The following RAD52 variants were observed in gnomAD, a reference collection of about 807,000 sequenced individuals.
RAD52 encodes the protein RAD52 DNA repair protein.
RAD52 carries 47 observed loss-of-function variants against 55.5 expected under a neutral mutation model. The observed-to-expected ratio is 0.85, with a 90% CI of 0.67 to 1.08. RAD52 has a LOEUF of 1.08. RAD52 is among the 50% of genes least tolerant of loss of function. The probability of loss-of-function intolerance (pLI) is 0.00; values close to 1 mark genes in which losing one functional copy is unlikely to be tolerated. For missense variants in RAD52, 468 were observed against 522.8 expected (o/e 0.90, Z 1.02); for synonymous variants, 184 against 198.9 (o/e 0.92, Z 0.63).
chr12:981,805 T>TAAAATAAAATAAAATAAAAC (rs1168317754), intron 1 of RAD52, among the ~76,000 whole-genome samples: 2 of 151,924 alleles, frequency 1.3e-5, no homozygotes, highest in Admixed American at 6.6e-5. Context: ...TAAAATAAAA[T>TAAAATAAAATAAAATAAAAC]AAAACCTAGC....
At chr12:978,233 T>C (rs1958960106) in intron 1 of RAD52, among the ~76,000 whole-genome samples, 1 of 151,968 alleles carries the variant, frequency 6.6e-6, no homozygotes, top group Non-Finnish European at 1.5e-5. Context: ...TTTTGTATTT[T>C]TAGTAGACAC....
chr12:961,311 A>AAAAAAAAAAAAAAAAAAAAAAAG (rs1958682122), intron 1 of RAD52, among the ~76,000 whole-genome samples: 1 of 86,576 alleles, frequency 1.2e-5, no homozygotes, highest in Non-Finnish European at 2.4e-5. Context: ...CTCCATCTCA[A>AAAAAAAAAAAAAAAAAAAAAAAG]AAAAAAAAAA....
chr12:926,090 G>A (rs377336689), intron 6 of RAD52, among the ~76,000 whole-genome samples: 9 of 152,106 alleles, frequency 5.9e-5, no homozygotes, highest in African/African-American at 1.9e-4. Flanking sequence ...CGGGGGGTGC[G>A]GCCTGGTGGG....
At position 912,828 on chromosome 12, in the gene RAD52, G is replaced by A. The variant is rs55853926; in HGVS notation, c.*563C>T. ...GTCAGTCTTGAAACAATGCAGGATT[G>A]TAATGTCATAAATCCATAAATTATT... On this transcript the variant is annotated 3_prime_UTR_variant, in exon 12 of 12. Coordinates refer to ENST00000358495, the MANE Select transcript of RAD52 (RefSeq NM_134424.4). The A allele has an allele frequency of 1.3e-4, 23 of 183,990 alleles. No homozygotes were observed. Among genetic ancestry groups the A allele is most frequent in the African/African-American group, 5.4e-4 (23 of 42,412 alleles). 11.4% of individuals were successfully genotyped at this position (183,990 alleles called of 1,614,324 possible).
chr12:934,441 C>CAA (rs1957505148), intron 1 of RAD52, among the ~76,000 whole-genome samples: 10 of 1,944 alleles, frequency 5.1e-3, no homozygotes, highest in South Asian at 0.5. Flanking sequence ...CCAGCCTGGG[C>CAA]GAGAGTGAGA....
At position 933,079 on chromosome 12, in the gene RAD52, A is replaced by G. The variant is rs1458402745; in HGVS notation, c.-18-3T>C. On this transcript the variant is annotated splice_region_variant and splice_polypyrimidine_tract_variant and intron_variant, in intron 1 of 11. Coordinates refer to ENST00000358495, the MANE Select transcript of RAD52 (RefSeq NM_134424.4). ...GACATCTTGATTCTGGTTGACCTCTATATAAATAAAAAGCGGAAAAAAAAA... is the reference window on the plus strand; with the variant it reads ...GACATCTTGATTCTGGTTGACCTCTGTATAAATAAAAAGCGGAAAAAAAAA... The G allele has an allele frequency of 2.5e-6, 4 of 1,580,738 alleles. No homozygotes were observed. The highest frequency in any genetic ancestry group is 4.5e-5 in the East Asian group (2 of 44,528).
chr12:960,194 T>C (rs74056607), intron 1 of RAD52, among the ~76,000 whole-genome samples: 107 of 152,214 alleles, frequency 7.0e-4, no homozygotes, highest in Middle Eastern at 3.4e-3. Flanking sequence ...GAGAATGGAT[T>C]GTAGGGAAAT....
rs2154106932 is a variant in RAD52 at position 912,508 on chromosome 12, A to G, written c.*883T>C. On this transcript the variant is annotated 3_prime_UTR_variant, in exon 12 of 12. Transcript: ENST00000358495. ...AAACAATTCTGGTTTCAAGCATTTCAGATAAGCAATATATATATATTCTAT... is the reference window on the plus strand; with the variant it reads ...AAACAATTCTGGTTTCAAGCATTTCGGATAAGCAATATATATATATTCTAT... The G allele has an allele frequency of 1.1e-5, 2 of 175,936 alleles. No individual in the cohort carries two copies. Among genetic ancestry groups the G allele is most frequent in the East Asian group, 8.8e-5 (1 of 11,366 alleles). 10.9% of individuals were successfully genotyped at this position (175,936 alleles called of 1,614,324 possible).
intron 8 of RAD52, 33 bp from the exon 9 acceptor site, chr12:916,516 C>T (rs375889026): frequency 5.0e-6 from 8 of 1,606,084 alleles, no homozygotes; most frequent in Non-Finnish European, 5.9e-6. Context: ...GGACGGGCTC[C>T]TGAGCAACAG....
chr12:943,320 G>A, intron 1 of RAD52, among the ~76,000 whole-genome samples: 1 of 152,222 alleles, frequency 6.6e-6, no homozygotes, highest in East Asian at 1.9e-4. Flanking sequence ...GAGTAGAGCA[G>A]CAGAGGCCCA....
chr12:930,342 G>C (rs529420312), intron 3 of RAD52, among the ~76,000 whole-genome samples, 198 bp from the exon 4 acceptor site: 1 of 151,378 alleles, frequency 6.6e-6, no homozygotes, highest in Non-Finnish European at 1.5e-5. Context: ...TCGTGCCACT[G>C]CACTCCAGCC....
At chr12:943,303 G>A (rs939171579) in intron 1 of RAD52, among the ~76,000 whole-genome samples, 3 of 152,214 alleles carry the variant, frequency 2.0e-5, no homozygotes, top group African/African-American at 2.4e-5. Context: ...GGAGCCACAC[G>A]TCCAGGGAGT....
chr12:989,420 T>C (rs770638912), intron 1 of RAD52, among the ~76,000 whole-genome samples: 15 of 152,198 alleles, frequency 9.9e-5, no homozygotes, highest in Non-Finnish European at 2.1e-4. Context: ...TTATTTATCA[T>C]CATTTTATGG....
At chr12:985,413 A>T (rs1198673152) in intron 1 of RAD52, among the ~76,000 whole-genome samples, 1 of 152,050 alleles carries the variant, frequency 6.6e-6, no homozygotes, top group Admixed American at 6.5e-5. Flanking sequence ...CAAAGTGCTG[A>T]GATTACAGGC....
intron 1 of RAD52, among the ~76,000 whole-genome samples, chr12:963,785 T>C (rs1215180867): frequency 1.3e-5 from 2 of 151,956 alleles, no homozygotes; most frequent in Admixed American, 1.3e-4. Context: ...CATTAAATAC[T>C]CTTGGATGTT....
intron 1 of RAD52, among the ~76,000 whole-genome samples, chr12:955,774 TTTTG>T (rs1958596837): frequency 6.6e-6 from 1 of 151,504 alleles, no homozygotes; most frequent in Non-Finnish European, 1.5e-5. Flanking sequence ...ACCTGGGCAT[TTTTG>T]TTTTTTTTGT....
At chr12:969,970 T>G (rs1958819059) in intron 1 of RAD52, among the ~76,000 whole-genome samples, 1 of 151,948 alleles carries the variant, frequency 6.6e-6, no homozygotes, top group South Asian at 2.1e-4. Flanking sequence ...TGCGTCAGTG[T>G]GAAGTGAGAC....
intron 1 of RAD52, among the ~76,000 whole-genome samples, chr12:933,517 A>T (rs1224838365): frequency 6.6e-6 from 1 of 151,906 alleles, no homozygotes; most frequent in Non-Finnish European, 1.5e-5. Flanking sequence ...TAAGCTTCTA[A>T]GCACTGCTCC....
intron 1 of RAD52, among the ~76,000 whole-genome samples, chr12:943,766 C>T (rs375587243): frequency 6.7e-6 from 1 of 149,096 alleles, no homozygotes; most frequent in African/African-American, 2.5e-5. Flanking sequence ...TCATATTTAT[C>T]TTTGTGTGTG....
Sources: allele counts gnomAD v4.1 joint callset (sites outside exome capture counted in the v4.1 genomes callset), GRCh38; gene constraint gnomAD v4.1.1; transcripts MANE v1.5; gene names NCBI Gene and HGNC (gene_info 2026-07-23, HGNC 2026-07-21).